OTOF: variants seen among roughly 807,000 people sequenced by gnomAD.
The protein encoded by OTOF is fer-1-like family member 2.
In OTOF, 218 loss-of-function variants were observed where a neutral mutation model predicts 236.8. The ratio of observed to expected loss-of-function variants is 0.92; its 90% confidence interval spans 0.82 to 1.03. The LOEUF (loss-of-function observed/expected upper bound fraction) is 1.03, where lower values mean the gene tolerates loss of function less well. Among genes scored for constraint, OTOF ranks in the 50% least tolerant of loss-of-function variants. OTOF has a pLI of 0.00. For missense variants in OTOF, 2,590 were observed against 2,694.4 expected (o/e 0.96, Z 0.86); for synonymous variants, 1,041 against 1,072.5 (o/e 0.97, Z 0.57).
Position 26,535,208 on chromosome 2 carries a change from G to T in OTOF, c.138+2508C>A, listed in dbSNP as rs557548147. Among the ~76,000 whole-genome samples the T allele has an allele frequency of 1.2e-3, 189 of 152,328 alleles. No individual in the cohort carries two copies. In the South Asian group the frequency reaches 0.013, roughly 10 times the overall value. ...GGCCTTGCAGGGGTGGTGGGAGTCAGGCCCTATCACTGTATCCAGAGAGGG... is the reference window on the plus strand; with the variant it reads ...GGCCTTGCAGGGGTGGTGGGAGTCATGCCCTATCACTGTATCCAGAGAGGG... On this transcript the variant is annotated intron_variant, in intron 2 of 46. Transcript: ENST00000272371.
chr2:26,503,153 T>TGGTGGGCCCGTGATGGAGAA (rs1666161366), intron 6 of OTOF, among the ~76,000 whole-genome samples: 1 of 152,180 alleles, frequency 6.6e-6, no homozygotes, highest in Admixed American at 6.5e-5. Context: ...GGAGCCCCGA[T>TGGTGGGCCCGTGATGGAGAA]GGTGGGCCCG....
At chr2:26,537,836 A>C in intron 1 of OTOF, 62 bp from the exon 2 acceptor site, 1 of 1,207,806 alleles carries the variant, frequency 8.3e-7, no homozygotes, top group South Asian at 1.3e-5. Context: ...GCATGGGGTC[A>C]GACCTCCTCA....
intron 5 of OTOF, among the ~76,000 whole-genome samples, chr2:26,508,463 C>T: frequency 6.6e-6 from 1 of 152,242 alleles, no homozygotes; most frequent in Admixed American, 6.5e-5. Context: ...TGTCTCCAAA[C>T]TGGCCCGTTT....
intron 2 of OTOF, among the ~76,000 whole-genome samples, chr2:26,533,578 A>G (rs1247962069): frequency 6.6e-6 from 1 of 152,142 alleles, no homozygotes; most frequent in Admixed American, 6.5e-5. Flanking sequence ...ACTGCAAGAC[A>G]AGAGGGTTAA....
chr2:26,477,475 C>G lies in OTOF; in HGVS notation c.2347G>C (p.Gly783Arg). ...TCAAGCCTGGTGCGGGATGAGTGGC[C>G]CTGGTCCTTGTCAGCGAGGGAGAGG... ...RFLSLADKDQ[G>R]HSSRTRLDRE... Residue 783 changes from glycine to arginine, a missense_variant, in exon 20 of 47, where the codon GGC (glycine) becomes CGC (arginine). Gly to Arg is a moderately radical substitution (Grantham distance 125, BLOSUM62 -2). Coordinates refer to ENST00000272371, the MANE Select transcript of OTOF (RefSeq NM_194248.3). This position sits in a 1 kb window ranked among gnomAD's most constrained non-coding sequence, Gnocchi z 4.7. The G allele has an allele frequency of 6.2e-7, 1 of 1,603,910 alleles. No individual in the cohort carries two copies. The highest frequency in any genetic ancestry group is 8.5e-7 in the Non-Finnish European group (1 of 1,176,030).
intron 5 of OTOF, 145 bp downstream of exon 5, chr2:26,516,273 C>T (rs1666521725): frequency 3.9e-6 from 3 of 776,066 alleles, no homozygotes; most frequent in Non-Finnish European, 6.4e-6. Flanking sequence ...GAAACATCTT[C>T]CCACCCCTTG....
At position 26,465,832 on chromosome 2, in the gene OTOF, T is replaced by C. The variant is rs1664699580; in HGVS notation, c.4639A>G (p.Ile1547Val). ...LNPVFGKSFD[I>V]EASFPMESML... ...GATTCCATGGGGAAGGAGGCCTCGA[T>C]GTCAAAGGACCTGGTGGGGTGGAGT... The change falls in exon 38 of 47, where the codon ATC becomes GTC. Residue 1547 changes from isoleucine to valine, a missense_variant. Physicochemically the swap from Ile to Val is conservative, Grantham distance 29. Around this residue, in one of 2 missense-constraint regions of OTOF, gnomAD observed 1,211 missense variants for 1,352.8 expected, o/e 0.90. Transcript: ENST00000272371. 1.2e-6 allele frequency: 2 copies of C among 1,614,192 alleles called. No individual in the cohort carries two copies. Among genetic ancestry groups the C allele is most frequent in the Admixed American group, 3.3e-5 (2 of 60,028 alleles).
In OTOF at chr2:26,502,341, T is replaced by A. The variant is rs751201794; in HGVS notation, c.669A>T (p.Leu223=). The A allele has an allele frequency of 6.2e-7, 1 of 1,614,050 alleles. No individual in the cohort carries two copies. The highest frequency in any genetic ancestry group is 2.2e-5 in the East Asian group (1 of 44,866). The part of the protein sequence containing the change: ...GDGLDPDSVS[L]ASVTALTTNV... ...TAGTGGTGAGAGCTGTGACTGAGGC[T>A]AGAGACACCGAGTCGGGATCCAGTC... The change falls in exon 7 of 47, where the codon CTA becomes CTT. Residue 223 remains leucine (L), a synonymous_variant. Coordinates refer to ENST00000272371, the MANE Select transcript of OTOF (RefSeq NM_194248.3).
intron 11 of OTOF, among the ~76,000 whole-genome samples, chr2:26,486,139 T>G (rs1456212505): frequency 7.0e-6 from 1 of 143,604 alleles, no homozygotes; most frequent in Admixed American, 7.2e-5. Flanking sequence ...GACAGGTGGG[T>G]GGGTAGATAT....
chr2:26,513,563 C>T (rs975392846), intron 5 of OTOF, among the ~76,000 whole-genome samples: 9 of 152,226 alleles, frequency 5.9e-5, no homozygotes, highest in Admixed American at 2.6e-4. Flanking sequence ...ATCCCCACGC[C>T]GGACCCTAAC....
At chr2:26,539,675 T>G (rs1190764755) in intron 1 of OTOF, among the ~76,000 whole-genome samples, 1 of 152,100 alleles carries the variant, frequency 6.6e-6, no homozygotes, top group Admixed American at 6.5e-5. Context: ...GCGGAGGTTG[T>G]GGTGGGCCGA....
intron 46 of OTOF, among the ~76,000 whole-genome samples, chr2:26,459,151 C>G (rs1226863424): frequency 6.6e-6 from 1 of 152,238 alleles, no homozygotes; most frequent in Non-Finnish European, 1.5e-5. Context: ...CAGCCCTGGA[C>G]TGGGAGGTCA....
At chr2:26,533,348 C>T (rs984058649) in intron 2 of OTOF, among the ~76,000 whole-genome samples, 2 of 152,154 alleles carry the variant, frequency 1.3e-5, no homozygotes, top group African/African-American at 4.8e-5. Flanking sequence ...GACGGATTTG[C>T]AAGCTTAAAG....
In OTOF at chr2:26,477,936, A is replaced by T. The variant is rs1215104380; in HGVS notation, c.2215-187T>A. 3 of 1,458,122 alleles carry T rather than the reference A, an allele frequency of 2.1e-6. No homozygotes were observed. The highest frequency in any genetic ancestry group is 2.7e-6 in the Non-Finnish European group (3 of 1,114,530). The allele number at this position is 1,458,122 out of a possible 1,614,324, so 90.3% of individuals were successfully genotyped here. A position where few individuals can be genotyped will look rare whatever the true frequency, so the allele number is the denominator to read the frequency against. ...CCCAGGTTCTGTTCTCAGAACCTGG[A>T]GATGTTGGTGTTCATGGGGGTTCTT... On this transcript the variant is annotated intron_variant, in intron 18 of 46. Coordinates refer to ENST00000272371, the MANE Select transcript of OTOF (RefSeq NM_194248.3). The surrounding 1 kb of genome is among the most constrained non-coding windows in gnomAD (Gnocchi z 4.7).
intron 5 of OTOF, among the ~76,000 whole-genome samples, chr2:26,507,785 G>C (rs1012358085): frequency 6.6e-6 from 1 of 152,100 alleles, no homozygotes; most frequent in African/African-American, 2.4e-5. Flanking sequence ...AGTTTCCTGT[G>C]GCTACATTCA....
At chr2:26,526,267 T>C (rs1036855940) in intron 3 of OTOF, among the ~76,000 whole-genome samples, 4 of 151,460 alleles carry the variant, frequency 2.6e-5, no homozygotes, top group African/African-American at 9.7e-5. Flanking sequence ...AATGGATGGA[T>C]GGATGGATGG....
At chr2:26,484,366 G>C in intron 12 of OTOF, 108 bp downstream of exon 12, 3 of 1,183,818 alleles carry the variant, frequency 2.5e-6, no homozygotes, top group South Asian at 1.3e-5. Context: ...AGCGAGAGCA[G>C]GGTGAGGGAG....
chr2:26,513,149 A>AT (rs929484308), intron 5 of OTOF, among the ~76,000 whole-genome samples: 1 of 152,168 alleles, frequency 6.6e-6, no homozygotes, highest in African/African-American at 2.4e-5. Context: ...GTTGGTGGTC[A>AT]TTCAGGCAGA....
At position 26,502,410 on chromosome 2, in the gene OTOF, C is replaced by T. The variant is rs756952748; in HGVS notation, c.600G>A (p.Leu200=). ...EPQRPDEPAV[L]EMEDLDHLAI... ...CCAGATGGTCAAGGTCTTCCATCTC[C>T]AGCACCGCCGGTTCATCTGGGGAAG... The change falls in exon 7 of 47, where the codon CTG becomes CTA. Residue 200 remains leucine, a synonymous_variant. Transcript: ENST00000272371. 5 of 1,613,548 alleles carry T rather than the reference C, an allele frequency of 3.1e-6. No homozygotes were observed. The highest frequency in any genetic ancestry group is 2.7e-5 in the African/African-American group (2 of 75,056).
Sources: allele counts gnomAD v4.1 joint callset (sites outside exome capture counted in the v4.1 genomes callset), GRCh38; gene constraint gnomAD v4.1.1; regional missense constraint gnomAD v4.1.1; non-coding constraint Gnocchi (gnomAD v3.1); transcripts MANE v1.5; gene names NCBI Gene and HGNC (gene_info 2026-07-23, HGNC 2026-07-21).